Variants in C2orf76 observed in about 807,000 individuals in gnomAD.
C2orf76 encodes the protein UPF0538 protein C2orf76.
In C2orf76, 23 loss-of-function variants were observed where a neutral mutation model predicts 16.9. The observed-to-expected ratio is 1.36, with a 90% CI of 0.98 to 1.93. The LOEUF (loss-of-function observed/expected upper bound fraction) is 1.93. Among genes scored for constraint, C2orf76 ranks in the 30% most tolerant of loss-of-function variants. The pLI, the probability that C2orf76 is intolerant of heterozygous loss-of-function variation, is 0.00. For missense variants in C2orf76, 152 were observed against 152.6 expected, an observed-to-expected ratio of 1.00 and a Z score of 0.02; for synonymous variants, 48 against 52.3, an observed-to-expected ratio of 0.92 and a Z score of 0.35.
At chr2:119,353,530 A>G (rs1026197704) in intron 1 of C2orf76, among the ~76,000 whole-genome samples, 7 of 152,014 alleles carry the variant, frequency 4.6e-5, no homozygotes, top group African/African-American at 1.7e-4. Flanking sequence ...CATTATAATA[A>G]AAAGAAAAAA....
At chr2:119,322,113 T>C (rs72829476) in intron 2 of C2orf76, among the ~76,000 whole-genome samples, 4,673 of 151,544 alleles carry the variant, frequency 0.031, 91 homozygotes, top group South Asian at 0.078. Flanking sequence ...AATGTGTGTA[T>C]ATATGTGTAT....
intron 3 of C2orf76, among the ~76,000 whole-genome samples, chr2:119,320,739 T>A (rs1460699267): frequency 6.6e-6 from 1 of 152,224 alleles, no homozygotes; most frequent in Non-Finnish European, 1.5e-5. Context: ...AACTGTGCCA[T>A]CTTTATAACA....
intron 2 of C2orf76, among the ~76,000 whole-genome samples, chr2:119,323,675 T>C (rs983270954): frequency 1.3e-5 from 2 of 152,124 alleles, no homozygotes; most frequent in African/African-American, 2.4e-5. Context: ...AGATGATTCG[T>C]ACTCAAATTC....
rs749142514 is a variant in C2orf76, at chr2:119,339,916, G to C, written c.44C>G (p.Ser15Cys). 1 of 1,613,074 alleles carries C rather than the reference G, an allele frequency of 6.2e-7. No individual in the cohort carries two copies. Among genetic ancestry groups the C allele is most frequent in the African/African-American group, 1.3e-5 (1 of 75,040 alleles). The change falls in exon 2 of 6, where the codon TCC becomes TGC. Residue 15 changes from serine to cysteine, a missense_variant. Physicochemically the swap from Ser to Cys is moderately radical, Grantham distance 112. Transcript: ENST00000334816. ...AGGTTTGAAATTGCGATGTTCAAAG[G>C]AACGGATGAGGCGAACTGTGATGGT... The part of the protein sequence containing the change: ...EVTITVRLIR[S>C]FEHRNFKPVV...
intron 1 of C2orf76, among the ~76,000 whole-genome samples, chr2:119,341,352 A>G (rs1246920655): frequency 6.6e-6 from 1 of 152,086 alleles, no homozygotes; most frequent in African/African-American, 2.4e-5. Flanking sequence ...GCCAGATACT[A>G]CTCTAAGTGC....
the C2orf76 span, among the ~76,000 whole-genome samples, chr2:119,281,548 A>G: frequency 6.6e-6 from 1 of 152,136 alleles, no homozygotes. Context: ...AATGAGAATG[A>G]CAGAGAGAGA....
chr2:119,346,046 C>T (rs1006970482), intron 1 of C2orf76, among the ~76,000 whole-genome samples: 23 of 120,468 alleles, frequency 1.9e-4, no homozygotes, highest in African/African-American at 7.7e-4. Context: ...CAGAGTGAGA[C>T]GCCATCTCAA....
rs768427505 is a variant in C2orf76, at chr2:119,321,108, C to T, written c.184+46G>A. The T allele has an allele frequency of 6.9e-6, 7 of 1,007,856 alleles. No individual in the cohort carries two copies. The East Asian group carries it at 9.0e-5, about 13-fold the overall frequency. The allele number at this position is 1,007,856 out of a possible 1,614,324, so 62.4% of individuals were successfully genotyped here. Reference sequence around the variant, plus strand: ...AATTTAAGTTTGTAACAAACTAATGCAAAATTGTATTTATATATATTTTAA... The same window carrying T: ...AATTTAAGTTTGTAACAAACTAATGTAAAATTGTATTTATATATATTTTAA... On this transcript the variant is annotated intron_variant, in intron 3 of 5. Coordinates refer to ENST00000334816, the MANE Select transcript of C2orf76 (RefSeq NM_001322331.2).
At chr2:119,290,106 G>C in the C2orf76 span, among the ~76,000 whole-genome samples, 1 of 151,802 alleles carries the variant, frequency 6.6e-6, no homozygotes, top group Non-Finnish European at 1.5e-5. Flanking sequence ...GCCCCTGCAT[G>C]GGAGTCACCA....
At chr2:119,295,832 T>C in the C2orf76 span, among the ~76,000 whole-genome samples, 48 of 152,286 alleles carry the variant, frequency 3.2e-4, no homozygotes, top group African/African-American at 1.2e-3. Flanking sequence ...TGAACACTCA[T>C]CCAAAGTGGC....
At position 119,311,645 on chromosome 2, in the gene C2orf76, C is replaced by T; in HGVS notation, c.281G>A (p.Ser94Asn). 7.4e-6 allele frequency: 12 copies of T among 1,613,354 alleles called. No homozygotes were observed. The highest frequency in any genetic ancestry group is 1.0e-5 in the Non-Finnish European group (12 of 1,179,900). Reference protein sequence around the residue: ...DDERLLLKEDSTLKAAGIASE... With the variant: ...DDERLLLKEDNTLKAAGIASE... ...ACCGATTCCAGCTGCTTTCAGAGTG[C>T]TGTCTTCTTTCAGCAGGAGTCTTTC... The change falls in exon 5 of 6, where the codon AGC becomes AAC. Residue 94 changes from serine (S) to asparagine (N), a missense_variant. Coordinates refer to ENST00000334816, the MANE Select transcript of C2orf76 (RefSeq NM_001322331.2).
intron 2 of C2orf76, among the ~76,000 whole-genome samples, chr2:119,330,221 A>G (rs1424727439): frequency 6.6e-6 from 1 of 151,900 alleles, no homozygotes. Context: ...TAAAAATACG[A>G]AAAAAATTAG....
At chr2:119,333,953 G>A (rs562240992) in intron 2 of C2orf76, among the ~76,000 whole-genome samples, 1 of 152,146 alleles carries the variant, frequency 6.6e-6, no homozygotes, top group African/African-American at 2.4e-5. Context: ...ATGTTTCTCT[G>A]TTCTTTTTTT....
the C2orf76 span, among the ~76,000 whole-genome samples, chr2:119,289,503 C>T: frequency 3.9e-5 from 6 of 151,976 alleles, no homozygotes; most frequent in East Asian, 3.9e-4. Flanking sequence ...CTGGCCAACA[C>T]GGTGAAACCT....
At chr2:119,335,252 T>A (rs539571943) in intron 2 of C2orf76, among the ~76,000 whole-genome samples, 9 of 152,182 alleles carry the variant, frequency 5.9e-5, no homozygotes, top group Non-Finnish European at 1.2e-4. Flanking sequence ...CCTTTAGATA[T>A]CTACCATAGA....
Position 119,302,693 on chromosome 2 carries a change from C to T in C2orf76, c.305-145G>A, listed in dbSNP as rs73948642. On this transcript the variant is annotated intron_variant, in intron 5 of 5. Coordinates refer to ENST00000334816, the MANE Select transcript of C2orf76 (RefSeq NM_001322331.2). ...AAAAGATGAGTTATTTGTTGGGTCG[C>T]ACAATGCATTTTACCAAATCAACAA... 8.3e-3 allele frequency: 3,496 copies of T among 418,734 alleles called. 90 individuals are homozygous for T. The highest frequency in any genetic ancestry group is 0.064 in the African/African-American group (3,124 of 48,786). 25.9% of individuals were successfully genotyped at this position (418,734 alleles called of 1,614,324 possible).
chr2:119,360,025 T>C (rs550709594), intron 1 of C2orf76, among the ~76,000 whole-genome samples: 14 of 152,288 alleles, frequency 9.2e-5, no homozygotes, highest in African/African-American at 3.1e-4. Flanking sequence ...TAGCTTATTT[T>C]AACAAATTGC....
intron 1 of C2orf76, among the ~76,000 whole-genome samples, chr2:119,347,505 G>A (rs1680242909): frequency 6.6e-6 from 1 of 152,072 alleles, no homozygotes; most frequent in African/African-American, 2.4e-5. Flanking sequence ...GAATATACAG[G>A]TGAAATGATG....
chr2:119,367,017 C>T (rs11547640), upstream of C2orf76: 4 of 1,613,784 alleles, frequency 2.5e-6, no homozygotes, highest in South Asian at 2.2e-5. Context: ...TCGCCTCCTC[C>T]GCTGTCTCCC....
Sources: allele counts gnomAD v4.1 joint callset (sites outside exome capture counted in the v4.1 genomes callset), GRCh38; gene constraint gnomAD v4.1.1; transcripts MANE v1.5; gene names NCBI Gene and HGNC (gene_info 2026-07-23, HGNC 2026-07-21).